The following CCDC178 variants were observed in gnomAD, a reference collection of about 807,000 sequenced individuals.
CCDC178 encodes the protein coiled-coil domain containing 178.
In CCDC178, 126 loss-of-function variants were observed where a neutral mutation model predicts 117.4. That is an observed-to-expected ratio of 1.07 (90% CI 0.93 to 1.24). The LOEUF (loss-of-function observed/expected upper bound fraction) is 1.24. CCDC178 is among the 50% of genes most tolerant of loss of function. The probability of loss-of-function intolerance (pLI) is 0.00; values close to 1 mark genes in which losing one functional copy is unlikely to be tolerated. For synonymous variants in CCDC178, 283 were observed against 313.4 expected, an observed-to-expected ratio of 0.90 and a Z score of 1.02; for missense variants, 1,030 against 986.9, an observed-to-expected ratio of 1.04 and a Z score of -0.59.
intron 7 of CCDC178, among the ~76,000 whole-genome samples, chr18:33,352,309 T>A (rs2062989344): frequency 2.0e-5 from 3 of 152,164 alleles, no homozygotes; most frequent in Admixed American, 6.5e-5. Context: ...TAATTGAGTC[T>A]TCTTTTTATT....
At chr18:33,275,064 C>G (rs764414059) in intron 12 of CCDC178, among the ~76,000 whole-genome samples, 1 of 151,768 alleles carries the variant, frequency 6.6e-6, no homozygotes, top group Non-Finnish European at 1.5e-5. Flanking sequence ...ATGCCATTAA[C>G]GGAAATCTTT....
intron 2 of CCDC178, among the ~76,000 whole-genome samples, chr18:33,424,655 G>A (rs973090209): frequency 3.9e-5 from 6 of 152,166 alleles, no homozygotes; most frequent in African/African-American, 1.4e-4. Flanking sequence ...GGGGAGCCAC[G>A]GCACGGCCCA....
intron 20 of CCDC178, among the ~76,000 whole-genome samples, chr18:33,117,092 A>T (rs1598899792): frequency 6.6e-6 from 1 of 152,072 alleles, no homozygotes; most frequent in African/African-American, 2.4e-5. Flanking sequence ...ATGGTTAGAA[A>T]ATTGATGAAA....
rs1263826151 is a variant in CCDC178 at position 33,266,922 on chromosome 18, T to C, written c.1403A>G (p.Asn468Ser). The change falls in exon 14 of 23, where the codon AAT (asparagine) becomes AGT (serine). Residue 468 changes from asparagine (N) to serine (S), a missense_variant. Transcript: ENST00000383096. ...IDINKITVKTNESIRKKSKYE... is the reference protein window; with the variant it reads ...IDINKITVKTSESIRKKSKYE... ...AAAGTATTTGCAAATTTACCTTTCA[T>C]TGGTTTTTACTGTTATTTTGTTAAT... 1.3e-6 allele frequency: 2 copies of C among 1,568,940 alleles called. No homozygotes were observed. Among genetic ancestry groups the C allele is most frequent in the Non-Finnish European group, 1.7e-6 (2 of 1,159,370 alleles).
chr18:32,987,243 T>C (rs2055282221), intron 21 of CCDC178, among the ~76,000 whole-genome samples: 1 of 151,944 alleles, frequency 6.6e-6, no homozygotes, highest in South Asian at 2.1e-4. Context: ...ACATATAGTT[T>C]ACATGAAACA....
intron 15 of CCDC178, among the ~76,000 whole-genome samples, chr18:33,227,127 G>C (rs1599024887): frequency 6.6e-6 from 1 of 151,994 alleles, no homozygotes; most frequent in African/African-American, 2.4e-5. Context: ...ATAAGAAAGT[G>C]AAACAAGGTA....
Position 33,204,532 on chromosome 18 carries a change from C to T in CCDC178, c.2238+7364G>A, listed in dbSNP as rs984991350. On this transcript the variant is annotated intron_variant, in intron 20 of 22. Coordinates refer to ENST00000383096, the MANE Select transcript of CCDC178 (RefSeq NM_001105528.4). ...CATGTTTAATTCTCACTAGAAGTCTCGAAGGCACATCTTGTAATTATTTTC... is the reference window on the plus strand; with the variant it reads ...CATGTTTAATTCTCACTAGAAGTCTTGAAGGCACATCTTGTAATTATTTTC... Among the ~76,000 whole-genome samples the T allele has an allele frequency of 1.6e-4, 25 of 152,220 alleles. No homozygotes were observed. The East Asian group carries it at 3.1e-3, about 19-fold the overall frequency.
chr18:33,393,991 T>A (rs925554752), intron 4 of CCDC178, among the ~76,000 whole-genome samples: 1 of 152,042 alleles, frequency 6.6e-6, no homozygotes, highest in African/African-American at 2.4e-5. Flanking sequence ...ATATTTCAAG[T>A]TGTTAGAAAA....
rs1291291997 is a variant in CCDC178, at chr18:32,970,236, G to A, written c.2523+4311C>T. ...TTCAAAAGCTTATCTGGCCCACCTG[G>A]TTTTCTGCCAACTGTAGATCTGCCA... On this transcript the variant is annotated intron_variant, in intron 22 of 22. Coordinates refer to ENST00000383096, the MANE Select transcript of CCDC178 (RefSeq NM_001105528.4). 2.0e-5 allele frequency among the ~76,000 whole-genome samples: 3 copies of A among 151,770 alleles called. No homozygotes were observed. The South Asian group carries it at 6.2e-4, about 32-fold the overall frequency.
chr18:33,371,778 C>CATAT (rs1308918383), intron 5 of CCDC178, among the ~76,000 whole-genome samples: 1 of 93,190 alleles, frequency 1.1e-5, no homozygotes, highest in South Asian at 3.8e-4. Context: ...AGTTCATAAA[C>CATAT]ATATATACAC....
chr18:33,278,439 A>C (rs1183599419), intron 12 of CCDC178, among the ~76,000 whole-genome samples: 1 of 151,710 alleles, frequency 6.6e-6, no homozygotes, highest in Non-Finnish European at 1.5e-5. Context: ...CTCTTGTTTA[A>C]GGAGCCTATA....
chr18:33,078,915 AC>A (rs2057253503), intron 21 of CCDC178, among the ~76,000 whole-genome samples: 1 of 152,180 alleles, frequency 6.6e-6, no homozygotes, highest in Non-Finnish European at 1.5e-5. Flanking sequence ...TCTTCACAGA[AC>A]CAGGAAAAAC....
rs143636066 is a variant in CCDC178, at chr18:33,001,295, G to A, written c.2389-26614C>T. Among the ~76,000 whole-genome samples, 700 of 152,124 alleles carry A rather than the reference G, an allele frequency of 4.6e-3. 6 individuals are homozygous for A. The highest frequency in any genetic ancestry group is 0.015 in the African/African-American group (630 of 41,518). On this transcript the variant is annotated intron_variant, in intron 21 of 22. Coordinates refer to ENST00000383096, the MANE Select transcript of CCDC178 (RefSeq NM_001105528.4). ...AGCACTTTGGGAGGCCAAGGCGAGC[G>A]GATCACAAGGTCAGGAGATTGAGAC...
intron 22 of CCDC178, among the ~76,000 whole-genome samples, chr18:32,960,865 T>A (rs1237106067): frequency 1.3e-5 from 2 of 152,182 alleles, no homozygotes; most frequent in African/African-American, 4.8e-5. Context: ...TATTTACAAG[T>A]GTGCAATTTA....
intron 20 of CCDC178, among the ~76,000 whole-genome samples, chr18:33,114,652 G>A (rs909715134): frequency 2.6e-5 from 4 of 151,868 alleles, no homozygotes; most frequent in Admixed American, 2.6e-4. Context: ...CACAAACTTT[G>A]GCAATATGTA....
chr18:33,356,376 CA>C (rs775240729), intron 6 of CCDC178, 30 bp from the exon 7 acceptor site: 4 of 1,459,018 alleles, frequency 2.7e-6, no homozygotes, highest in Non-Finnish European at 3.7e-6. Flanking sequence ...CAATAAAAAT[CA>C]AATCTTAAAC....
intron 20 of CCDC178, among the ~76,000 whole-genome samples, chr18:33,176,707 G>A (rs1219422665): frequency 3.3e-5 from 5 of 152,062 alleles, no homozygotes; most frequent in Non-Finnish European, 5.9e-5. Context: ...TTACTACAGT[G>A]TACTGTCTTC....
chr18:33,237,166 G>A (rs2059434423), intron 15 of CCDC178, among the ~76,000 whole-genome samples: 1 of 152,098 alleles, frequency 6.6e-6, no homozygotes, highest in South Asian at 2.1e-4. Context: ...TGCAGCAATG[G>A]CGCTCCATCT....
At chr18:33,246,691 G>A (rs993306656) in intron 14 of CCDC178, among the ~76,000 whole-genome samples, 11 of 151,794 alleles carry the variant, frequency 7.2e-5, no homozygotes, top group Admixed American at 4.6e-4. Context: ...TGCACCAGAT[G>A]AGCGACCAGT....
Sources: allele counts gnomAD v4.1 joint callset (sites outside exome capture counted in the v4.1 genomes callset), GRCh38; gene constraint gnomAD v4.1.1; transcripts MANE v1.5; gene names NCBI Gene and HGNC (gene_info 2026-07-23, HGNC 2026-07-21).